TP73: variants seen among roughly 807,000 people sequenced by gnomAD.
TP73 encodes p53-like transcription factor.
TP73 carries 25 observed loss-of-function variants against 62.5 expected under a neutral mutation model. The observed-to-expected ratio is 0.40, with a 90% confidence interval of 0.29 to 0.56. The LOEUF (loss-of-function observed/expected upper bound fraction) is 0.56. TP73 is among the 20% of genes least tolerant of loss of function. The pLI, the probability that TP73 is intolerant of heterozygous loss-of-function variation, is 0.46. For missense variants in TP73, 754 were observed against 913.3 expected (o/e 0.83, Z 2.25); for synonymous variants, 423 against 377.5 (o/e 1.12, Z -1.40).
At chr1:3,673,308 G>C (rs1473502865) in intron 1 of TP73, among the ~76,000 whole-genome samples, 2 of 152,196 alleles carry the variant, frequency 1.3e-5, no homozygotes, top group African/African-American at 4.8e-5. Flanking sequence ...CGTGTGTGCA[G>C]TTCTGTCGCT....
intron 1 of TP73, among the ~76,000 whole-genome samples, chr1:3,660,727 T>G (rs1644970710): frequency 6.6e-6 from 1 of 152,242 alleles, no homozygotes; most frequent in Non-Finnish European, 1.5e-5. Context: ...GTCTTCCCCA[T>G]GAAATCTTCT....
intron 1 of TP73, among the ~76,000 whole-genome samples, chr1:3,656,610 G>A (rs1014173680): frequency 6.6e-6 from 1 of 152,188 alleles, no homozygotes; most frequent in Admixed American, 6.5e-5. Flanking sequence ...GGGTCACACA[G>A]CTGCAAAGTA....
chr1:3,685,943 C>T (rs920492545), intron 3 of TP73, among the ~76,000 whole-genome samples: 1 of 152,262 alleles, frequency 6.6e-6, no homozygotes, highest in Admixed American at 6.5e-5. Flanking sequence ...AAACACCACA[C>T]AGGCCCGGCC....
chr1:3,696,678 C>G lies in TP73; in HGVS notation c.187-10871C>G, dbSNP rs1044879768. Among the ~76,000 whole-genome samples the G allele has an allele frequency of 6.6e-6, 1 of 152,048 alleles. No homozygotes were observed. The highest frequency in any genetic ancestry group is 2.4e-5 in the African/African-American group (1 of 41,386). ...TCCCACGGTTTGGAGAGGGCAGGGC[C>G]CAACTGGGAATGGCTCATGGGATTG... On this transcript the variant is annotated intron_variant, in intron 3 of 13. Coordinates refer to ENST00000378295, the MANE Select transcript of TP73 (RefSeq NM_005427.4). This position sits in a 1 kb window ranked among gnomAD's most constrained non-coding sequence, Gnocchi z 4.1.
intron 4 of TP73, among the ~76,000 whole-genome samples, chr1:3,719,613 A>G (rs1640892956): frequency 6.6e-6 from 1 of 152,206 alleles, no homozygotes; most frequent in Admixed American, 6.5e-5. Flanking sequence ...CGAGTCCCAG[A>G]GGGTCTGTGC....
At chr1:3,710,199 C>T (rs56894081) in intron 4 of TP73, among the ~76,000 whole-genome samples, 5 of 9,132 alleles carry the variant, frequency 5.5e-4, no homozygotes, top group African/African-American at 4.6e-3. Flanking sequence ...GATGCTGGGG[C>T]GGGGGGAGGG....
At chr1:3,727,872 G>A in intron 8 of TP73, 102 bp downstream of exon 8, 1 of 1,428,994 alleles carries the variant, frequency 7.0e-7, no homozygotes, top group Non-Finnish European at 9.2e-7. Flanking sequence ...GCCAGTCCCT[G>A]AACGGCCCCC....
At chr1:3,690,602 G>T in intron 3 of TP73, 2 of 1,275,388 alleles carry the variant, frequency 1.6e-6, no homozygotes, top group Non-Finnish European at 2.0e-6. Flanking sequence ...CACCGGGCAA[G>T]CTGAGGCCTG....
At position 3,682,376 on chromosome 1, in the gene TP73, C is replaced by T; in HGVS notation, c.11C>T (p.Ser4Phe). 1 of 1,554,884 alleles carries T rather than the reference C, an allele frequency of 6.4e-7. No individual in the cohort carries two copies. The highest frequency in any genetic ancestry group is 1.9e-5 in the Admixed American group (1 of 53,820). The stretch of plus-strand genomic sequence containing the variant: ...GCCGGCGTGGGGAAGATGGCCCAGT[C>T]CACCGCCACCTCCCCTGATGGGGGC... MAQ[S>F]TATSPDGGTT... Residue 4 changes from serine to phenylalanine, a missense_variant, in exon 2 of 14, where the codon TCC becomes TTC. Ser to Phe is a radical substitution (Grantham distance 155). Coordinates refer to ENST00000378295, the MANE Select transcript of TP73 (RefSeq NM_005427.4).
intron 11 of TP73, among the ~76,000 whole-genome samples, chr1:3,730,442 T>C (rs1226143876): frequency 6.6e-6 from 1 of 152,174 alleles, no homozygotes; most frequent in Non-Finnish European, 1.5e-5. Flanking sequence ...ACAGCCTGTT[T>C]CCCCATCAGC....
intron 3 of TP73, among the ~76,000 whole-genome samples, chr1:3,703,969 A>G (rs1639420882): frequency 6.6e-6 from 1 of 152,066 alleles, no homozygotes; most frequent in Non-Finnish European, 1.5e-5. Context: ...CACCACGGAG[A>G]GGGGAGGGTG....
chr1:3,665,660 T>C (rs1375507098), intron 1 of TP73, among the ~76,000 whole-genome samples: 2 of 146,732 alleles, frequency 1.4e-5, no homozygotes, highest in East Asian at 2.0e-4. Context: ...CTCTTTTCTT[T>C]TTTTTTTTTT....
Position 3,732,983 on chromosome 1 carries a change from C to CCCTGA in TP73, c.1817_1821dup (p.Glu608LeufsTer148). ...CCAACCGCGGCGGCCCAGGCGGCGG[C>CCCTGA]CCTGACGAGTGGGCGGACTTCGGCT... On this transcript the variant is annotated frameshift_variant, in exon 14 of 14. Coordinates refer to ENST00000378295, the MANE Select transcript of TP73 (RefSeq NM_005427.4). LOFTEE classifies it high-confidence loss of function. The CCCTGA allele has an allele frequency of 1.3e-6, 2 of 1,594,346 alleles. No homozygotes were observed. The highest frequency in any genetic ancestry group is 1.7e-6 in the Non-Finnish European group (2 of 1,173,504).
intron 3 of TP73, among the ~76,000 whole-genome samples, chr1:3,704,758 C>G (rs887599671): frequency 6.6e-6 from 1 of 152,140 alleles, no homozygotes; most frequent in East Asian, 1.9e-4. Context: ...GACTCTGGGG[C>G]GGGGCCTGGG....
chr1:3,674,058 C>G (rs1177569726), intron 1 of TP73, among the ~76,000 whole-genome samples: 1 of 152,178 alleles, frequency 6.6e-6, no homozygotes, highest in African/African-American at 2.4e-5. Context: ...GGTGTGTGGC[C>G]TCACTGGGCC....
chr1:3,655,511 T>A (rs1407991724), intron 1 of TP73, among the ~76,000 whole-genome samples: 1 of 152,262 alleles, frequency 6.6e-6, no homozygotes. Context: ...GTATGTTATT[T>A]CCTCGTGATT....
At chr1:3,688,318 C>T (rs1045210810) in intron 3 of TP73, among the ~76,000 whole-genome samples, 3 of 152,306 alleles carry the variant, frequency 2.0e-5, no homozygotes, top group East Asian at 3.9e-4. Flanking sequence ...CTCTTCCATG[C>T]GGTGGGATGA....
At position 3,722,182 on chromosome 1, in the gene TP73, C is replaced by T. The variant is rs148377915; in HGVS notation, c.591C>T (p.His197=). The change falls in exon 5 of 14, where the codon CAC becomes CAT. Residue 197 remains histidine, a synonymous_variant. Transcript: ENST00000378295. ...ACGTCGTGAAACGCTGCCCCAACCA[C>T]GAGCTCGGGAGGGACTTCAACGAAG... The part of the protein sequence containing the change: ...VTDVVKRCPN[H]ELGRDFNEGQ... 1.3e-5 allele frequency: 21 copies of T among 1,612,536 alleles called. No homozygotes were observed. The highest frequency in any genetic ancestry group is 8.3e-5 in the Admixed American group (5 of 59,976).
At chr1:3,693,050 C>T (rs1645895128) in intron 3 of TP73, among the ~76,000 whole-genome samples, 1 of 152,048 alleles carries the variant, frequency 6.6e-6, no homozygotes, top group Non-Finnish European at 1.5e-5. Context: ...TAACTGGGCA[C>T]GTTTTGTGTG....
Sources: gnomAD v4.1 joint callset for allele counts (sites outside exome capture counted in the v4.1 genomes callset) on GRCh38, gnomAD v4.1.1 for gene constraint, Gnocchi (gnomAD v3.1) non-coding constraint, MANE v1.5 for transcripts, NCBI Gene and HGNC (gene_info 2026-07-23, HGNC 2026-07-21) for gene names.